Variants in TSNAX observed in about 807,000 individuals in gnomAD.
TSNAX encodes the protein translin associated factor X.
Under a neutral mutation model 33.0 loss-of-function variants are expected in TSNAX, and 12 were observed. The observed-to-expected ratio is 0.36, with a 90% CI of 0.23 to 0.59. The LOEUF (loss-of-function observed/expected upper bound fraction) is 0.59. TSNAX is among the 20% of genes least tolerant of loss of function. The pLI is 0.74. For missense variants in TSNAX, 267 were observed against 341.3 expected (o/e 0.78, Z 1.72); for synonymous variants, 110 against 117.2 (o/e 0.94, Z 0.40).
At chr1:231,554,398 T>C (rs1366628493) in intron 4 of TSNAX, among the ~76,000 whole-genome samples, 1 of 152,204 alleles carries the variant, frequency 6.6e-6, no homozygotes, top group Non-Finnish European at 1.5e-5. Context: ...GAGTCTCTTG[T>C]ACATATGAGT....
intron 4 of TSNAX, among the ~76,000 whole-genome samples, chr1:231,558,787 TTATAAA>T: frequency 6.6e-6 from 1 of 152,144 alleles, no homozygotes; most frequent in Non-Finnish European, 1.5e-5. Flanking sequence ...ATATTTTTAA[TTATAAA>T]TATAAATGAC....
At chr1:231,547,012 G>A (rs1016074361) in intron 4 of TSNAX, among the ~76,000 whole-genome samples, 4 of 152,198 alleles carry the variant, frequency 2.6e-5, no homozygotes, top group Non-Finnish European at 5.9e-5. Flanking sequence ...GTCTCTGTGC[G>A]TGCCAAGGAA....
chr1:231,532,130 TAACACACACACACAC>T (rs1399271829), intron 2 of TSNAX, among the ~76,000 whole-genome samples: 12 of 37,436 alleles, frequency 3.2e-4, no homozygotes, highest in African/African-American at 1.4e-3. Context: ...ATAGTGGTAA[TAACACACACACACAC>T]ACACACACAC....
chr1:231,553,965 C>T (rs570910078), intron 4 of TSNAX, among the ~76,000 whole-genome samples: 1 of 152,128 alleles, frequency 6.6e-6, no homozygotes, highest in Non-Finnish European at 1.5e-5. Context: ...GGATTACAGG[C>T]GTGAGCCACC....
chr1:231,555,314 A>G (rs983470928), intron 4 of TSNAX, among the ~76,000 whole-genome samples: 1 of 152,210 alleles, frequency 6.6e-6, no homozygotes, highest in Non-Finnish European at 1.5e-5. Flanking sequence ...AAAAGGGCAA[A>G]TACTGTATTT....
At chr1:231,553,682 CTTTTTT>C (rs5781656) in intron 4 of TSNAX, among the ~76,000 whole-genome samples, 1 of 133,756 alleles carries the variant, frequency 7.5e-6, no homozygotes, top group African/African-American at 2.8e-5. Context: ...TCTTTCTTTC[CTTTTTT>C]TTTTTTTTTT....
intron 4 of TSNAX, among the ~76,000 whole-genome samples, chr1:231,546,443 T>C (rs1306540894): frequency 6.6e-6 from 1 of 152,206 alleles, no homozygotes; most frequent in East Asian, 1.9e-4. Flanking sequence ...ACTATAGCAG[T>C]ACAGAGAAAT....
intron 3 of TSNAX, among the ~76,000 whole-genome samples, chr1:231,538,857 A>C (rs891395355): frequency 6.6e-6 from 1 of 151,378 alleles, no homozygotes; most frequent in African/African-American, 2.4e-5. Context: ...GATTGAGCCC[A>C]GGTGGTCAAG....
In TSNAX at chr1:231,564,641, T is replaced by A; in HGVS notation, c.609T>A (p.Ile203=). Residue 203 remains isoleucine, a synonymous_variant, in exon 6 of 6, where the codon ATT becomes ATA. Transcript: ENST00000366639. ...CTGGAGAATTGATGCGGATGTGTAT[T>A]AACAGTGTGGGGAATGGGGACATTG... The part of the protein sequence containing the change: ...DLTGELMRMC[I]NSVGNGDIDT... 6.2e-7 allele frequency: 1 copy of A among 1,614,170 alleles called. No individual in the cohort carries two copies. Among genetic ancestry groups the A allele is most frequent in the Non-Finnish European group, 8.5e-7 (1 of 1,180,018 alleles).
intron 5 of TSNAX, among the ~76,000 whole-genome samples, chr1:231,564,199 A>G (rs901943364): frequency 6.6e-6 from 1 of 152,216 alleles, no homozygotes; most frequent in African/African-American, 2.4e-5. Flanking sequence ...TTGTCGTGCA[A>G]TAAAGTTATT....
chr1:231,536,130 T>G (rs1046173230), intron 2 of TSNAX: 7 of 152,244 alleles, frequency 4.6e-5, no homozygotes, highest in African/African-American at 1.7e-4. Context: ...CTGATCATTT[T>G]CAGATGAACT....
At chr1:231,544,136 A>T (rs1659752138) in intron 4 of TSNAX, among the ~76,000 whole-genome samples, 1 of 152,148 alleles carries the variant, frequency 6.6e-6, no homozygotes, top group African/African-American at 2.4e-5. Context: ...CTTGAGGGCT[A>T]CTGGGTGGTA....
chr1:231,539,275 G>A (rs200459969), intron 3 of TSNAX, among the ~76,000 whole-genome samples: 10 of 152,134 alleles, frequency 6.6e-5, no homozygotes, highest in Non-Finnish European at 1.3e-4. Context: ...AATAACAAAA[G>A]CAATAATATA....
intron 2 of TSNAX, 133 bp downstream of exon 2, chr1:231,529,492 A>T: frequency 1.3e-6 from 1 of 797,526 alleles, no homozygotes; most frequent in South Asian, 1.9e-5. Context: ...CGCTAGATGT[A>T]CCCTAAAAGT....
At chr1:231,529,030 A>G (rs1658466164) in intron 1 of TSNAX, among the ~76,000 whole-genome samples, 1 of 151,982 alleles carries the variant, frequency 6.6e-6, no homozygotes, top group Non-Finnish European at 1.5e-5. Context: ...ATTTTATCCT[A>G]GTTCAGTAAT....
intron 2 of TSNAX, 72 bp downstream of exon 2, chr1:231,529,431 A>G: frequency 6.9e-7 from 1 of 1,446,430 alleles, no homozygotes; most frequent in Non-Finnish European, 9.6e-7. Flanking sequence ...TGCGCAAGAA[A>G]ACAGTCCCTA....
intron 4 of TSNAX, among the ~76,000 whole-genome samples, chr1:231,556,867 A>G (rs1209226780): frequency 6.6e-6 from 1 of 152,194 alleles, no homozygotes; most frequent in Non-Finnish European, 1.5e-5. Flanking sequence ...ATTGAGGCTG[A>G]TAATGTAAGT....
chr1:231,532,715 A>G (rs1658848170), intron 2 of TSNAX, among the ~76,000 whole-genome samples: 1 of 152,202 alleles, frequency 6.6e-6, no homozygotes, highest in Admixed American at 6.5e-5. Flanking sequence ...CATTTTTTAC[A>G]ACTTGTACAG....
At position 231,565,187 on chromosome 1, in the gene TSNAX, G is replaced by C; in HGVS notation, c.*282G>C. ...ATCTTTGTAATGTGAACATGCTTCA[G>C]AGTGTACCTTTTGCCATAACCTATT... On this transcript the variant is annotated 3_prime_UTR_variant, in exon 6 of 6. Coordinates refer to ENST00000366639, the MANE Select transcript of TSNAX (RefSeq NM_005999.3). 7.2e-6 allele frequency: 2 copies of C among 276,594 alleles called. No individual in the cohort carries two copies. Among genetic ancestry groups the C allele is most frequent in the South Asian group, 1.5e-4 (2 of 13,052 alleles). The allele number at this position is 276,594 out of a possible 1,614,324, so 17.1% of individuals were successfully genotyped here. A position where few individuals can be genotyped will look rare whatever the true frequency, so the allele number is the denominator to read the frequency against.
Sources: gnomAD v4.1 joint callset for allele counts (sites outside exome capture counted in the v4.1 genomes callset) on GRCh38, gnomAD v4.1.1 for gene constraint, MANE v1.5 for transcripts, NCBI Gene and HGNC (gene_info 2026-07-23, HGNC 2026-07-21) for gene names.